Variants in HS3ST3A1 observed in about 807,000 individuals in gnomAD.
HS3ST3A1 encodes heparan sulfate glucosamine 3-O-sulfotransferase 3A1.
Under a neutral mutation model 25.7 loss-of-function variants are expected in HS3ST3A1, and 19 were observed. The ratio of observed to expected loss-of-function variants is 0.74; its 90% CI spans 0.52 to 1.08. The LOEUF (loss-of-function observed/expected upper bound fraction) is 1.08. HS3ST3A1 is among the 50% of genes least tolerant of loss of function. The pLI, the probability that HS3ST3A1 is intolerant of heterozygous loss-of-function variation, is 0.00. For synonymous variants in HS3ST3A1, 226 were observed against 278.6 expected, an observed-to-expected ratio of 0.81 and a Z score of 1.88; for missense variants, 459 against 594.3, an observed-to-expected ratio of 0.77 and a Z score of 2.37.
chr17:13,580,131 C>G (rs376282957), intron 1 of HS3ST3A1, among the ~76,000 whole-genome samples: 1 of 151,802 alleles, frequency 6.6e-6, no homozygotes, highest in Non-Finnish European at 1.5e-5. Flanking sequence ...TGCCAACACA[C>G]GCATTCTTCA....
intron 1 of HS3ST3A1, among the ~76,000 whole-genome samples, chr17:13,505,227 G>A (rs781389980): frequency 9.2e-5 from 14 of 152,250 alleles, no homozygotes; most frequent in East Asian, 3.9e-4. Context: ...GTATACAGAC[G>A]ACGGCTCCAA....
At chr17:13,560,289 C>CAAAAAAAAAAAAAAAAAAAAAACA (rs1907498572) in intron 1 of HS3ST3A1, among the ~76,000 whole-genome samples, 1 of 17,378 alleles carries the variant, frequency 5.8e-5, no homozygotes, top group Non-Finnish European at 1.1e-4. Context: ...CACTCGTCTC[C>CAAAAAAAAAAAAAAAAAAAAAACA]AAAAAAAAAA....
At chr17:13,586,871 CAAAAAAAAAAAA>C (rs57580843) in intron 1 of HS3ST3A1, among the ~76,000 whole-genome samples, 1 of 44,724 alleles carries the variant, frequency 2.2e-5, no homozygotes. Context: ...CTCTGTCTCA[CAAAAAAAAAAAA>C]AAAAAAAAAA....
At chr17:13,599,895 A>AGGG (rs1316664421) in intron 1 of HS3ST3A1, among the ~76,000 whole-genome samples, 4 of 152,256 alleles carry the variant, frequency 2.6e-5, no homozygotes, top group Non-Finnish European at 5.9e-5. Flanking sequence ...AGCACTTTAC[A>AGGG]AAACTCATTC....
intron 1 of HS3ST3A1, among the ~76,000 whole-genome samples, chr17:13,582,648 A>G (rs936430093): frequency 6.6e-6 from 1 of 152,144 alleles, no homozygotes; most frequent in African/African-American, 2.4e-5. Flanking sequence ...TTAATGCCCA[A>G]CGTATTTCTA....
rs180715962 is a variant in HS3ST3A1 at position 13,556,418 on chromosome 17, G to A, written c.599+44113C>T. Among the ~76,000 whole-genome samples, 1,136 of 152,154 alleles carry A rather than the reference G, an allele frequency of 7.5e-3. 17 individuals carry two copies. Among genetic ancestry groups the A allele is most frequent in the African/African-American group, 0.025 (1,043 of 41,498 alleles). ...AGCTACTCGGGAGGCTGAGGCAGGGGAATGGTGTGAACCCGGGAGGCGGAG... is the reference window on the plus strand; with the variant it reads ...AGCTACTCGGGAGGCTGAGGCAGGGAAATGGTGTGAACCCGGGAGGCGGAG... On this transcript the variant is annotated intron_variant, in intron 1 of 1. Coordinates refer to ENST00000284110, the MANE Select transcript of HS3ST3A1 (RefSeq NM_006042.3).
chr17:13,574,134 CTT>C (rs557193269), intron 1 of HS3ST3A1, among the ~76,000 whole-genome samples: 2,159 of 125,956 alleles, frequency 0.017, 46 homozygotes, highest in African/African-American at 0.062. Context: ...CCATATCACT[CTT>C]TTTTTTTTTT....
chr17:13,573,694 C>T (rs1231226791), intron 1 of HS3ST3A1, among the ~76,000 whole-genome samples: 3 of 152,146 alleles, frequency 2.0e-5, no homozygotes, highest in Non-Finnish European at 2.9e-5. Flanking sequence ...TGAGTGTCAA[C>T]AACACGGGCT....
At chr17:13,517,405 G>A (rs1420142606) in intron 1 of HS3ST3A1, among the ~76,000 whole-genome samples, 1 of 152,126 alleles carries the variant, frequency 6.6e-6, no homozygotes, top group African/African-American at 2.4e-5. Context: ...AATAACAAAT[G>A]TATTTCAATG....
rs1250308599 is a variant in HS3ST3A1 at position 13,494,087 on chromosome 17, G to T, written c.*2110C>A. Reference sequence around the variant, plus strand: ...CTTTCACATTAAAAAAATGAAGGTTGCAGAATGCAATTGTTTCTTTGTGCA... The same window carrying T: ...CTTTCACATTAAAAAAATGAAGGTTTCAGAATGCAATTGTTTCTTTGTGCA... On this transcript the variant is annotated 3_prime_UTR_variant, in exon 2 of 2. Transcript: ENST00000284110. 6.6e-6 allele frequency among the ~76,000 whole-genome samples: 1 copy of T among 152,152 alleles called. No individual in the cohort carries two copies. The highest frequency in any genetic ancestry group is 1.5e-5 in the Non-Finnish European group (1 of 68,028).
At chr17:13,562,438 T>C (rs1036076242) in intron 1 of HS3ST3A1, among the ~76,000 whole-genome samples, 2 of 152,066 alleles carry the variant, frequency 1.3e-5, no homozygotes. Flanking sequence ...GGGGGGAAAG[T>C]AACCCTATCC....
chr17:13,578,881 G>T (rs979114241), intron 1 of HS3ST3A1, among the ~76,000 whole-genome samples: 4 of 152,022 alleles, frequency 2.6e-5, no homozygotes, highest in African/African-American at 7.2e-5. Context: ...AATAGATGTT[G>T]ATTTTTCATT....
chr17:13,538,517 G>A (rs941810056), intron 1 of HS3ST3A1, among the ~76,000 whole-genome samples: 18 of 152,096 alleles, frequency 1.2e-4, no homozygotes, highest in Non-Finnish European at 2.9e-5. Flanking sequence ...TCTTTAGAAA[G>A]TAATTGTGGG....
chr17:13,576,401 G>A (rs181719248), intron 1 of HS3ST3A1, among the ~76,000 whole-genome samples: 3 of 152,306 alleles, frequency 2.0e-5, no homozygotes, highest in Admixed American at 6.5e-5. Flanking sequence ...CTCCATAGGC[G>A]CTGCTCACAA....
intron 1 of HS3ST3A1, among the ~76,000 whole-genome samples, chr17:13,569,046 A>G (rs1478804016): frequency 6.6e-6 from 1 of 152,110 alleles, no homozygotes; most frequent in Non-Finnish European, 1.5e-5. Context: ...AGGGTTTTCT[A>G]ATCTATGAGG....
chr17:13,551,374 T>C lies in HS3ST3A1; in HGVS notation c.599+49157A>G, dbSNP rs1394484301. On this transcript the variant is annotated intron_variant, in intron 1 of 1. Transcript: ENST00000284110. ...ATAAATAAATAAATAAATAAATAAA[T>C]AAATAAATAAATAAATATAAAAATA... Among the ~76,000 whole-genome samples, 3 of 145,988 alleles carry C rather than the reference T, an allele frequency of 2.1e-5. No individual in the cohort carries two copies. The East Asian group carries it at 6.0e-4, about 29-fold the overall frequency.
chr17:13,581,952 C>T (rs1056330986), intron 1 of HS3ST3A1, among the ~76,000 whole-genome samples: 3 of 152,188 alleles, frequency 2.0e-5, no homozygotes, highest in Admixed American at 2.0e-4. Flanking sequence ...ATGTAACACA[C>T]AGACTCATAC....
intron 1 of HS3ST3A1, among the ~76,000 whole-genome samples, chr17:13,559,334 A>G (rs1907463558): frequency 6.6e-6 from 1 of 152,124 alleles, no homozygotes; most frequent in African/African-American, 2.4e-5. Flanking sequence ...ACACCTCTTC[A>G]AGCATCTAGA....
At chr17:13,521,695 T>C (rs1452477460) in intron 1 of HS3ST3A1, among the ~76,000 whole-genome samples, 1 of 152,210 alleles carries the variant, frequency 6.6e-6, no homozygotes, top group Admixed American at 6.5e-5. Flanking sequence ...GGGGTCTTCA[T>C]ATAGACAAAA....
Sources: allele counts gnomAD v4.1 joint callset (sites outside exome capture counted in the v4.1 genomes callset), GRCh38; gene constraint gnomAD v4.1.1; transcripts MANE v1.5; gene names NCBI Gene and HGNC (gene_info 2026-07-23, HGNC 2026-07-21).